CELF2: variants seen among roughly 807,000 people sequenced by gnomAD.
The protein encoded by CELF2 is CUGBP Elav-like family member 2, also known as CUG triplet repeat RNA-binding protein 2.
A neutral mutation model predicts 62.6 loss-of-function variants in CELF2; 8 were observed. The observed-to-expected ratio is 0.13, with a 90% CI of 0.07 to 0.23. The LOEUF is 0.23. CELF2 is among the 10% of genes least tolerant of loss of function. CELF2 has a pLI of 1.00. For synonymous variants in CELF2, 258 were observed against 250.0 expected, an observed-to-expected ratio of 1.03 and a Z score of -0.30; for missense variants, 333 against 671.0, an observed-to-expected ratio of 0.50 and a Z score of 5.56.
chr10:10,828,000 TAAAA>T (rs66721705), intron 1 of CELF2, among the ~76,000 whole-genome samples: 613 of 60,694 alleles, frequency 0.01, 8 homozygotes, highest in Middle Eastern at 0.034. Flanking sequence ...AGGCTAGTCT[TAAAA>T]AAAAAAAAAA....
intron 2 of CELF2, among the ~76,000 whole-genome samples, chr10:10,943,097 C>A (rs2047227328): frequency 6.6e-6 from 1 of 152,206 alleles, no homozygotes. Context: ...CTCTTCCTTG[C>A]CCCTCCTGTT....
In CELF2 at chr10:10,916,382, T is replaced by A. The variant is rs117480836; in HGVS notation, c.54-3582T>A. On this transcript the variant is annotated intron_variant, in intron 1 of 13. Coordinates refer to the CELF2 transcript ENST00000636488. Reference sequence around the variant, plus strand: ...ATCAGGTTTTCAGTAATCATGGACATCAAGTAATATCTGTAACTCTAATGT... The same window carrying A: ...ATCAGGTTTTCAGTAATCATGGACAACAAGTAATATCTGTAACTCTAATGT... Among the ~76,000 whole-genome samples the A allele has an allele frequency of 4.3e-3, 659 of 152,346 alleles. 3 individuals carry two copies. The highest frequency in any genetic ancestry group is 0.014 in the Middle Eastern group (4 of 294).
intron 2 of CELF2, among the ~76,000 whole-genome samples, chr10:11,169,547 G>A (rs1596529532): frequency 1.7e-5 from 2 of 118,544 alleles, no homozygotes; most frequent in Non-Finnish European, 3.5e-5. Context: ...GAGGAAATGG[G>A]AAATACGTGA....
chr10:11,122,314 A>G (rs1260131459), intron 1 of CELF2, among the ~76,000 whole-genome samples: 1 of 152,242 alleles, frequency 6.6e-6, no homozygotes, highest in Non-Finnish European at 1.5e-5. Flanking sequence ...AAAATTTGCA[A>G]TAATGATGGC....
chr10:10,694,020 G>C, the CELF2 span, among the ~76,000 whole-genome samples: 1 of 148,822 alleles, frequency 6.7e-6, no homozygotes, highest in South Asian at 2.1e-4. Context: ...CTTCAGTTCT[G>C]CTCTGATTTT....
In CELF2 at chr10:11,267,658, AT is replaced by A. The variant is rs1210292724; in HGVS notation, c.618+985del. ...TTGATTGAGCTTCTGTTTTCCCCCC[AT>A]TTTGTTGGGGTTTTATTTTTTTGTT... On this transcript the variant is annotated intron_variant, in intron 6 of 12. Coordinates refer to ENST00000633077, the MANE Select transcript of CELF2 (RefSeq NM_001326342.2). The surrounding 1 kb of genome is among the most constrained non-coding windows in gnomAD (Gnocchi z 4.4). 6.6e-6 allele frequency among the ~76,000 whole-genome samples: 1 copy of A among 151,880 alleles called. No homozygotes were observed. Among genetic ancestry groups the A allele is most frequent in the African/African-American group, 2.4e-5 (1 of 41,308 alleles).
rs768206050 is a variant in CELF2 at position 11,297,124 on chromosome 10, G to A, written c.976+8572G>A. Among the ~76,000 whole-genome samples, 17 of 152,342 alleles carry A rather than the reference G, an allele frequency of 1.1e-4. No homozygotes were observed. The highest frequency in any genetic ancestry group is 2.2e-4 in the Non-Finnish European group (15 of 68,032). ...AGGAAAGGAGGAAAAATGATATGGT[G>A]TGTTGGGCCTGGGTGGCCAGTGGAG... On this transcript the variant is annotated intron_variant, in intron 9 of 12. Coordinates refer to ENST00000633077, the MANE Select transcript of CELF2 (RefSeq NM_001326342.2). This position sits in a 1 kb window ranked among gnomAD's most constrained non-coding sequence, Gnocchi z 4.4.
chr10:11,181,952 T>G (rs1452707788), intron 2 of CELF2, among the ~76,000 whole-genome samples: 1 of 152,234 alleles, frequency 6.6e-6, no homozygotes, highest in Non-Finnish European at 1.5e-5. Flanking sequence ...TTGAATCAGC[T>G]GATGGGCACT....
intron 7 of CELF2, among the ~76,000 whole-genome samples, chr10:11,273,349 T>C (rs1386043318): frequency 6.6e-6 from 1 of 152,116 alleles, no homozygotes; most frequent in East Asian, 1.9e-4. Context: ...TGGAATCTCC[T>C]AGGAGCACGA....
intron 4 of CELF2, among the ~76,000 whole-genome samples, chr10:11,251,315 G>C (rs1364205364): frequency 9.3e-6 from 1 of 107,234 alleles, no homozygotes; most frequent in African/African-American, 3.6e-5. Context: ...CTGCTGTGCA[G>C]GTATTCATTT....
At chr10:10,575,472 G>T in the CELF2 span, among the ~76,000 whole-genome samples, 1 of 152,184 alleles carries the variant, frequency 6.6e-6, no homozygotes, top group African/African-American at 2.4e-5. Flanking sequence ...ACCTAATCCA[G>T]ACAGGTTTTT....
the CELF2 span, among the ~76,000 whole-genome samples, chr10:10,761,905 C>CGTGTGTGTGTGT: frequency 3.7e-4 from 48 of 128,968 alleles, 1 homozygote; most frequent in African/African-American, 1.1e-3. Flanking sequence ...TATAATAAAC[C>CGTGTGTGTGTGT]GTGTGTGTGT....
At chr10:10,541,242 CAAA>C in the CELF2 span, among the ~76,000 whole-genome samples, 15 of 112,950 alleles carry the variant, frequency 1.3e-4, no homozygotes, top group Non-Finnish European at 1.6e-4. Context: ...GACCCCATCT[CAAA>C]AAAAAAAAAA....
the CELF2 span, among the ~76,000 whole-genome samples, chr10:10,498,609 G>A: frequency 6.6e-6 from 1 of 152,200 alleles, no homozygotes; most frequent in Non-Finnish European, 1.5e-5. Flanking sequence ...TTTTCAGCAA[G>A]TGTTATCTTG....
intron 3 of CELF2, among the ~76,000 whole-genome samples, chr10:11,234,311 G>A (rs894280503): frequency 1.3e-5 from 2 of 152,184 alleles, no homozygotes; most frequent in Admixed American, 6.5e-5. Flanking sequence ...ACCATAGATA[G>A]TGCTCAACAA....
chr10:10,505,133 T>C, the CELF2 span, among the ~76,000 whole-genome samples: 1 of 152,214 alleles, frequency 6.6e-6, no homozygotes. Flanking sequence ...TTTGTCTTAA[T>C]ATGAGACTAT....
At chr10:11,277,978 T>C (rs945521501) in intron 8 of CELF2, among the ~76,000 whole-genome samples, 1 of 152,226 alleles carries the variant, frequency 6.6e-6, no homozygotes, top group Non-Finnish European at 1.5e-5. Flanking sequence ...AAGTGAAAAC[T>C]GATTTTAGAA....
At chr10:10,897,804 A>G (rs2062668071) in intron 1 of CELF2, among the ~76,000 whole-genome samples, 1 of 152,232 alleles carries the variant, frequency 6.6e-6, no homozygotes, top group Admixed American at 6.5e-5. Context: ...AATGAAATGA[A>G]AGAAGGCAGT....
At chr10:10,598,999 T>C in the CELF2 span, among the ~76,000 whole-genome samples, 1 of 151,842 alleles carries the variant, frequency 6.6e-6, no homozygotes, top group Admixed American at 6.6e-5. Context: ...TGATCCACCC[T>C]CCTCGGCCTC....
Sources: allele counts gnomAD v4.1 joint callset (sites outside exome capture counted in the v4.1 genomes callset), GRCh38; gene constraint gnomAD v4.1.1; non-coding constraint Gnocchi (gnomAD v3.1); transcripts MANE v1.5; gene names NCBI Gene and HGNC (gene_info 2026-07-23, HGNC 2026-07-21).